The following SAMD13 variants were observed in gnomAD, a reference collection of about 807,000 sequenced individuals.
SAMD13 encodes the protein sterile alpha motif domain containing 13.
A neutral mutation model predicts 12.4 loss-of-function variants in SAMD13; 9 were observed. The ratio of observed to expected loss-of-function variants is 0.72; its 90% CI spans 0.44 to 1.26. SAMD13 has a LOEUF of 1.26. Ranked by LOEUF, SAMD13 falls within the 50% of genes most tolerant of loss-of-function variation. The pLI is 0.00. For missense variants in SAMD13, 84 were observed against 119.6 expected (o/e 0.70, Z 1.39); for synonymous variants, 46 against 45.4 (o/e 1.01, Z -0.05).
At chr1:84,327,024 T>G (rs570347166) in intron 3 of SAMD13, among the ~76,000 whole-genome samples, 2 of 152,318 alleles carry the variant, frequency 1.3e-5, no homozygotes, top group African/African-American at 4.8e-5. Context: ...TCTTTTGTTG[T>G]TGGTGAGACT....
chr1:84,310,855 A>T (rs1268164247), intron 2 of SAMD13, among the ~76,000 whole-genome samples: 1 of 152,164 alleles, frequency 6.6e-6, no homozygotes, highest in Admixed American at 6.6e-5. Context: ...AAGTTTATTC[A>T]TGTTAGAAAA....
chr1:84,318,916 A>G (rs1678887294), intron 2 of SAMD13, among the ~76,000 whole-genome samples: 1 of 152,226 alleles, frequency 6.6e-6, no homozygotes. Context: ...TGAAGTGTAC[A>G]TTTCAAGAGT....
intron 2 of SAMD13, among the ~76,000 whole-genome samples, chr1:84,319,439 T>G (rs1221241391): frequency 2.6e-5 from 4 of 151,906 alleles, no homozygotes; most frequent in Non-Finnish European, 2.9e-5. Flanking sequence ...CTGGCCAACA[T>G]GGCGAAACCC....
At chr1:84,324,292 A>C (rs1679010941) in intron 2 of SAMD13, among the ~76,000 whole-genome samples, 1 of 152,158 alleles carries the variant, frequency 6.6e-6, no homozygotes, top group Non-Finnish European at 1.5e-5. Context: ...AAAATCCAGA[A>C]TCCTCAGTGT....
rs531790603 is a variant in SAMD13, at chr1:84,307,159, G to A, written c.53+3872G>A. Among the ~76,000 whole-genome samples the A allele has an allele frequency of 3.4e-3, 520 of 152,134 alleles. 5 individuals carry two copies. The highest frequency in any genetic ancestry group is 0.012 in the African/African-American group (497 of 41,484). Reference sequence around the variant, plus strand: ...TGGTCTCTCTCCCTTTGTCTTTGGGGACTCCAATTTTATGTGGATTTGACC... The same window carrying A: ...TGGTCTCTCTCCCTTTGTCTTTGGGAACTCCAATTTTATGTGGATTTGACC... On this transcript the variant is annotated intron_variant, in intron 2 of 3. Transcript: ENST00000394834.
intron 2 of SAMD13, among the ~76,000 whole-genome samples, chr1:84,305,172 C>T (rs2101786661): frequency 6.6e-6 from 1 of 152,266 alleles, no homozygotes; most frequent in African/African-American, 2.4e-5. Flanking sequence ...GTTCCACATG[C>T]TCATGAGCTT....
chr1:84,326,702 G>A (rs1474724144), intron 3 of SAMD13, among the ~76,000 whole-genome samples: 3 of 152,150 alleles, frequency 2.0e-5, no homozygotes, highest in Non-Finnish European at 4.4e-5. Flanking sequence ...ATATTGTAGG[G>A]AGAATTAAAA....
intron 2 of SAMD13, among the ~76,000 whole-genome samples, chr1:84,311,341 A>C (rs528778545): frequency 6.6e-6 from 1 of 151,244 alleles, no homozygotes; most frequent in Non-Finnish European, 1.5e-5. Context: ...CTAAAAAAAA[A>C]AAAAAAAAAG....
chr1:84,315,450 T>C (rs1678813103), intron 2 of SAMD13, among the ~76,000 whole-genome samples: 2 of 152,210 alleles, frequency 1.3e-5, no homozygotes, highest in Non-Finnish European at 2.9e-5. Context: ...AATATCTCAT[T>C]GTATGTATAT....
intron 3 of SAMD13, among the ~76,000 whole-genome samples, chr1:84,337,116 C>T (rs1401185239): frequency 6.6e-6 from 1 of 152,148 alleles, no homozygotes; most frequent in Non-Finnish European, 1.5e-5. Flanking sequence ...CTTTCATGGG[C>T]TGGTATTGAG....
Position 84,325,635 on chromosome 1 carries a change from A to C in SAMD13, c.54-2A>C. The C allele has an allele frequency of 6.3e-7, 1 of 1,583,028 alleles. No individual in the cohort carries two copies. Among genetic ancestry groups the C allele is most frequent in the South Asian group, 1.1e-5 (1 of 90,414 alleles). Reference sequence around the variant, plus strand: ...ACAACTGTCTGGATTTGTGTTTTGCAGTTCCATGGAAAATGGGAGACCACC... The same window carrying C: ...ACAACTGTCTGGATTTGTGTTTTGCCGTTCCATGGAAAATGGGAGACCACC... On this transcript the variant is annotated splice_acceptor_variant, in intron 2 of 3. Transcript: ENST00000394834. LOFTEE classifies it high-confidence loss of function.
chr1:84,309,094 A>G (rs1242940483), intron 2 of SAMD13, among the ~76,000 whole-genome samples: 1 of 152,208 alleles, frequency 6.6e-6, no homozygotes, highest in Non-Finnish European at 1.5e-5. Context: ...GTGATAAACT[A>G]TATATATTGC....
intron 3 of SAMD13, among the ~76,000 whole-genome samples, chr1:84,334,870 C>T (rs189138472): frequency 2.4e-4 from 36 of 152,034 alleles, no homozygotes; most frequent in Admixed American, 2.4e-3. Context: ...AGTGACCTTC[C>T]TCTTACTGAT....
chr1:84,317,802 C>T (rs761995789), intron 2 of SAMD13, among the ~76,000 whole-genome samples: 20 of 152,028 alleles, frequency 1.3e-4, no homozygotes, highest in Non-Finnish European at 2.1e-4. Flanking sequence ...GTAAAATTCT[C>T]CATGAAGCCA....
intron 3 of SAMD13, among the ~76,000 whole-genome samples, chr1:84,349,406 T>C (rs1679602046): frequency 6.6e-6 from 1 of 152,218 alleles, no homozygotes; most frequent in Admixed American, 6.5e-5. Flanking sequence ...TGATAGGATC[T>C]TGAAAGCAAG....
intron 3 of SAMD13, among the ~76,000 whole-genome samples, chr1:84,335,474 A>G (rs1458097971): frequency 1.3e-5 from 2 of 152,136 alleles, no homozygotes; most frequent in African/African-American, 2.4e-5. Context: ...GGCAGCATAC[A>G]GTTGGGTCTT....
upstream of SAMD13, chr1:84,298,670 C>A (rs1316777283): frequency 9.0e-7 from 1 of 1,114,242 alleles, no homozygotes; most frequent in East Asian, 3.2e-5. Flanking sequence ...ACCGCTCTGC[C>A]CTCCCAAAAA....
At chr1:84,300,272 T>G (rs1678426055), upstream of SAMD13, among the ~76,000 whole-genome samples, 1 of 152,220 alleles carries the variant, frequency 6.6e-6, no homozygotes, top group Non-Finnish European at 1.5e-5. Context: ...AAATATTTAA[T>G]TGGTTCCTAG....
At chr1:84,340,564 T>C (rs1570260657) in intron 3 of SAMD13, among the ~76,000 whole-genome samples, 2 of 152,344 alleles carry the variant, frequency 1.3e-5, no homozygotes, top group South Asian at 4.1e-4. Context: ...GCATATTTCA[T>C]GTTATATGAA....
Sources: gnomAD v4.1 joint callset for allele counts (sites outside exome capture counted in the v4.1 genomes callset) on GRCh38, gnomAD v4.1.1 for gene constraint, MANE v1.5 for transcripts, NCBI Gene and HGNC (gene_info 2026-07-23, HGNC 2026-07-21) for gene names.